Variants in LHPP observed in about 807,000 individuals in gnomAD.
LHPP encodes the protein hLHPP.
Under a neutral mutation model 30.3 loss-of-function variants are expected in LHPP, and 24 were observed. The observed-to-expected ratio is 0.79, with a 90% confidence interval of 0.57 to 1.11. LHPP has a LOEUF of 1.11. Among genes scored for constraint, LHPP ranks in the 50% most tolerant of loss-of-function variants. LHPP has a pLI of 0.00. For synonymous variants in LHPP, 150 were observed against 157.1 expected (o/e 0.95, Z 0.34); for missense variants, 356 against 367.2 (o/e 0.97, Z 0.25).
chr10:124,497,297 C>CCCATCCTCT lies in LHPP; in HGVS notation c.531+273_531+274insCCATCCTCT, dbSNP rs1397077282. 8.4e-4 allele frequency among the ~76,000 whole-genome samples: 19 copies of CCCATCCTCT among 22,734 alleles called. No individual in the cohort carries two copies. In the South Asian group the frequency reaches 0.01, roughly 12 times the overall value. 14.9% of individuals were successfully genotyped at this position (22,734 alleles called of 152,430 possible). A position where few individuals can be genotyped will look rare whatever the true frequency, so the allele number is the denominator to read the frequency against. ...CATCCTCCCCATCCTCCCCATCCTCCAGTGGGCGCAGCCCCCCCTGCCCGC... is the reference window on the plus strand; with the variant it reads ...CATCCTCCCCATCCTCCCCATCCTCCCCATCCTCTAGTGGGCGCAGCCCCCCCTGCCCGC... On this transcript the variant is annotated intron_variant, in intron 4 of 6. Coordinates refer to ENST00000368842, the MANE Select transcript of LHPP (RefSeq NM_022126.4).
At position 124,478,522 on chromosome 10, in the gene LHPP, T is replaced by C. The variant is rs149429833; in HGVS notation, c.126-5617T>C. Among the ~76,000 whole-genome samples, 1,066 of 152,308 alleles carry C rather than the reference T, an allele frequency of 7.0e-3. 8 individuals are homozygous for C. The highest frequency in any genetic ancestry group is 0.013 in the Admixed American group (202 of 15,308). ...GGCTAGCTATTGAGCTGTCCCAAGG[T>C]CACTCAGGATGTCCAATAATTGTCC... On this transcript the variant is annotated intron_variant, in intron 1 of 6. Coordinates refer to ENST00000368842, the MANE Select transcript of LHPP (RefSeq NM_022126.4). This position sits in a 1 kb window ranked among gnomAD's most constrained non-coding sequence, Gnocchi z 4.7.
rs1259566645 is a variant in LHPP at position 124,596,336 on chromosome 10, C to G, written c.717-16928C>G. Among the ~76,000 whole-genome samples the G allele has an allele frequency of 6.6e-6, 1 of 152,148 alleles. No individual in the cohort carries two copies. The highest frequency in any genetic ancestry group is 2.4e-5 in the African/African-American group (1 of 41,440). ...AGGAGACTCTTGCCAAACATTTCTCCAGAGTGTCTGATGTACCATGTTGCG... is the reference window on the plus strand; with the variant it reads ...AGGAGACTCTTGCCAAACATTTCTCGAGAGTGTCTGATGTACCATGTTGCG... On this transcript the variant is annotated intron_variant, in intron 6 of 6. Transcript: ENST00000368842. This position sits in a 1 kb window ranked among gnomAD's most constrained non-coding sequence, Gnocchi z 4.6.
intron 1 of LHPP, among the ~76,000 whole-genome samples, chr10:124,463,902 T>C (rs568278157): frequency 1.3e-5 from 2 of 149,742 alleles, no homozygotes; most frequent in East Asian, 4.0e-4. Context: ...CTGCAACCTC[T>C]ACCTCAAGGG....
intron 6 of LHPP, among the ~76,000 whole-genome samples, chr10:124,544,178 C>T (rs990793384): frequency 1.4e-4 from 21 of 152,190 alleles, no homozygotes; most frequent in South Asian, 4.1e-4. Context: ...ATCTGACAGA[C>T]GGGTATGTGC....
At chr10:124,525,450 C>T (rs1564809683) in intron 6 of LHPP, among the ~76,000 whole-genome samples, 1 of 152,344 alleles carries the variant, frequency 6.6e-6, no homozygotes, top group South Asian at 2.1e-4. Context: ...CTCCCCGCCC[C>T]GACCATCACG....
intron 6 of LHPP, among the ~76,000 whole-genome samples, chr10:124,527,612 G>T (rs1954775637): frequency 1.3e-5 from 2 of 152,158 alleles, no homozygotes; most frequent in Admixed American, 6.5e-5. Flanking sequence ...GAGCCCGGGG[G>T]CTGAAACCAG....
intron 1 of LHPP, among the ~76,000 whole-genome samples, chr10:124,479,869 A>T (rs555572551): frequency 6.6e-6 from 1 of 152,220 alleles, no homozygotes; most frequent in Non-Finnish European, 1.5e-5. Flanking sequence ...TGGGGCCTCC[A>T]TCTTCTCCTT....
chr10:124,522,607 C>A (rs957064588), intron 6 of LHPP, among the ~76,000 whole-genome samples: 13 of 152,310 alleles, frequency 8.5e-5, no homozygotes, highest in Middle Eastern at 3.4e-3. Context: ...TGCACTTTTC[C>A]CTGGTAGAAT....
chr10:124,581,654 A>C (rs1440785369), intron 6 of LHPP, among the ~76,000 whole-genome samples: 2 of 152,178 alleles, frequency 1.3e-5, no homozygotes, highest in Non-Finnish European at 2.9e-5. Flanking sequence ...CCCTACAATG[A>C]TGACTAGTGA....
intron 6 of LHPP, among the ~76,000 whole-genome samples, chr10:124,543,233 C>T (rs1955244718): frequency 6.6e-6 from 1 of 152,242 alleles, no homozygotes; most frequent in African/African-American, 2.4e-5. Context: ...TCCTGTATGG[C>T]CCCCACAGGG....
chr10:124,528,623 T>C (rs1263459744), intron 6 of LHPP, among the ~76,000 whole-genome samples: 1 of 152,030 alleles, frequency 6.6e-6, no homozygotes, highest in East Asian at 1.9e-4. Context: ...CCTCCTAAAG[T>C]GCTGGGATTA....
chr10:124,559,489 C>T (rs1008402425), intron 6 of LHPP, among the ~76,000 whole-genome samples: 3 of 152,240 alleles, frequency 2.0e-5, no homozygotes, highest in Non-Finnish European at 4.4e-5. Context: ...TGGCTGGCTT[C>T]CCCAGGTCCA....
chr10:124,554,146 T>G lies in LHPP; in HGVS notation c.716+36875T>G, dbSNP rs1430541002. On this transcript the variant is annotated intron_variant, in intron 6 of 6. Coordinates refer to ENST00000368842, the MANE Select transcript of LHPP (RefSeq NM_022126.4). ...GGACGACCTGGGCCAGGTAGAGGTT[T>G]TTCAACCTAAGACTCAGTTTATTAT... is the stretch of plus-strand genomic sequence containing the variant. 3 of 735,576 alleles carry G rather than the reference T, an allele frequency of 4.1e-6. No individual in the cohort carries two copies. The East Asian group carries it at 3.9e-4, about 96-fold the overall frequency. The allele number at this position is 735,576 out of a possible 1,614,324, so 45.6% of individuals were successfully genotyped here.
At chr10:124,462,069 G>T in intron 1 of LHPP, 82 bp downstream of exon 1, 1 of 1,146,772 alleles carries the variant, frequency 8.7e-7, no homozygotes, top group East Asian at 3.9e-5. Flanking sequence ...GGGCGGGGCG[G>T]CAGGGGGCGG....
At chr10:124,506,681 G>A (rs77207118) in intron 5 of LHPP, among the ~76,000 whole-genome samples, 8,267 of 86,480 alleles carry the variant, frequency 0.096, 873 homozygotes, top group Non-Finnish European at 0.14. Flanking sequence ...TGGGGGGTAG[G>A]GAAGATTTCA....
At chr10:124,556,500 C>T (rs7909585) in intron 6 of LHPP, among the ~76,000 whole-genome samples, 86,643 of 152,142 alleles carry the variant, frequency 0.57, 25,091 homozygotes, top group Non-Finnish European at 0.61. Flanking sequence ...TGTAGCATAG[C>T]TTTGCACTTA....
chr10:124,508,785 A>G (rs1954228066), intron 5 of LHPP, among the ~76,000 whole-genome samples: 2 of 152,190 alleles, frequency 1.3e-5, no homozygotes, highest in African/African-American at 2.4e-5. Flanking sequence ...TTGTGTCTAT[A>G]TATACATTTT....
At chr10:124,591,563 G>A (rs539121745) in intron 6 of LHPP, among the ~76,000 whole-genome samples, 31 of 152,190 alleles carry the variant, frequency 2.0e-4, no homozygotes, top group Middle Eastern at 6.8e-3. Context: ...ACTTGCCCAA[G>A]GCCACACAGC....
chr10:124,589,829 C>A (rs965547715), intron 6 of LHPP, among the ~76,000 whole-genome samples: 2 of 152,178 alleles, frequency 1.3e-5, no homozygotes, highest in Non-Finnish European at 2.9e-5. Flanking sequence ...GGAAGGCCCC[C>A]TGCGTGCAGC....
Sources: allele counts gnomAD v4.1 joint callset (sites outside exome capture counted in the v4.1 genomes callset), GRCh38; gene constraint gnomAD v4.1.1; non-coding constraint Gnocchi (gnomAD v3.1); transcripts MANE v1.5; gene names NCBI Gene and HGNC (gene_info 2026-07-23, HGNC 2026-07-21).